The following MTMR7 variants were observed in gnomAD, a reference collection of about 807,000 sequenced individuals.
MTMR7 encodes myotubularin related protein 7.
MTMR7 carries 76 observed loss-of-function variants against 81.2 expected under a neutral mutation model. The ratio of observed to expected loss-of-function variants is 0.94; its 90% CI spans 0.78 to 1.13. MTMR7 has a LOEUF of 1.13. MTMR7 is among the 50% of genes most tolerant of loss of function. The pLI is 0.00. For missense variants in MTMR7, 1,044 were observed against 820.0 expected, an observed-to-expected ratio of 1.27 and a Z score of -3.34; for synonymous variants, 372 against 289.8, an observed-to-expected ratio of 1.28 and a Z score of -2.88.
At chr8:17,333,367 T>C (rs1328294029) in intron 6 of MTMR7, among the ~76,000 whole-genome samples, 1 of 152,194 alleles carries the variant, frequency 6.6e-6, no homozygotes, top group Non-Finnish European at 1.5e-5. Flanking sequence ...TAATAAAATA[T>C]CACTGCTTTG....
chr8:17,304,071 G>C (rs1817298041), intron 12 of MTMR7, among the ~76,000 whole-genome samples: 1 of 152,068 alleles, frequency 6.6e-6, no homozygotes, highest in Admixed American at 6.6e-5. Flanking sequence ...TTCCACATTT[G>C]ACTTAAGGCA....
chr8:17,331,447 C>T (rs1248211104), intron 6 of MTMR7, among the ~76,000 whole-genome samples, 165 bp from the exon 7 acceptor site: 1 of 152,236 alleles, frequency 6.6e-6, no homozygotes, highest in Non-Finnish European at 1.5e-5. Context: ...TACATAGCTT[C>T]AGGGACTCCT....
chr8:17,324,014 A>T (rs1240796965), intron 7 of MTMR7, among the ~76,000 whole-genome samples: 1 of 152,200 alleles, frequency 6.6e-6, no homozygotes, highest in Admixed American at 6.5e-5. Context: ...CTCTCATTAA[A>T]TAACCTTCTT....
rs573059633 is a variant in MTMR7, at chr8:17,381,412, A to G, written c.25-8172T>C. Among the ~76,000 whole-genome samples the G allele has an allele frequency of 7.2e-5, 11 of 152,062 alleles. No individual in the cohort carries two copies. The South Asian group carries it at 2.1e-3, about 29-fold the overall frequency. On this transcript the variant is annotated intron_variant, in intron 1 of 13. Coordinates refer to ENST00000180173, the MANE Select transcript of MTMR7 (RefSeq NM_004686.5). ...CAGAGCCTTTCTTCAGTGATCCTCTATTGTGCCACCTTCGAATTTCAATCT... is the reference window on the plus strand; with the variant it reads ...CAGAGCCTTTCTTCAGTGATCCTCTGTTGTGCCACCTTCGAATTTCAATCT...
Position 17,313,288 on chromosome 8 carries a change from A to G in MTMR7, c.975+4T>C. On this transcript the variant is annotated splice_donor_region_variant and intron_variant, in intron 8 of 13. Coordinates refer to ENST00000180173, the MANE Select transcript of MTMR7 (RefSeq NM_004686.5). Reference sequence around the variant, plus strand: ...CTTAATTTATTTTCTCTGCAATTGCATACCTTTGCAATGAAGATTCCTGCA... The same window carrying G: ...CTTAATTTATTTTCTCTGCAATTGCGTACCTTTGCAATGAAGATTCCTGCA... 1 of 1,602,936 alleles carries G rather than the reference A, an allele frequency of 6.2e-7. No individual in the cohort carries two copies. Among genetic ancestry groups the G allele is most frequent in the Non-Finnish European group, 8.5e-7 (1 of 1,170,998 alleles).
rs1029814845 is a variant in MTMR7 at position 17,361,121 on chromosome 8, T to C, written c.464A>G (p.Tyr155Cys). 1.2e-6 allele frequency: 2 copies of C among 1,614,146 alleles called. No individual in the cohort carries two copies. The highest frequency in any genetic ancestry group is 1.7e-6 in the Non-Finnish European group (2 of 1,180,018). ...GTTTGGGTTTCACGCACTCACTCTGTAGTCTCTATTCACATCGCTGAGCTG... is the reference window on the plus strand; with the variant it reads ...GTTTGGGTTTCACGCACTCACTCTGCAGTCTCTATTCACATCGCTGAGCTG... ...YWQLSDVNRD[Y>C]RVCDSYPTEL... Residue 155 changes from tyrosine to cysteine, a missense_variant, in exon 4 of 14, where the codon TAC (tyrosine) becomes TGC (cysteine). Physicochemically the swap from Tyr to Cys is radical, Grantham distance 194. Transcript: ENST00000180173.
chr8:17,364,517 A>G (rs1383547387), intron 3 of MTMR7, among the ~76,000 whole-genome samples: 1 of 152,190 alleles, frequency 6.6e-6, no homozygotes, highest in African/African-American at 2.4e-5. Context: ...CAGATTTCAA[A>G]ATAATGAGAC....
At chr8:17,384,530 A>C (rs1204778008) in intron 1 of MTMR7, among the ~76,000 whole-genome samples, 1 of 152,212 alleles carries the variant, frequency 6.6e-6, no homozygotes, top group Non-Finnish European at 1.5e-5. Flanking sequence ...AACTCACAGA[A>C]ACAATAGAGT....
At chr8:17,347,511 C>T (rs1372144968) in intron 5 of MTMR7, among the ~76,000 whole-genome samples, 3 of 152,206 alleles carry the variant, frequency 2.0e-5, no homozygotes, top group African/African-American at 7.2e-5. Flanking sequence ...GCTGTAGGTG[C>T]AGGCATGTGG....
rs1210396291 is a variant in MTMR7, at chr8:17,353,774, G to C, written c.469-4693C>G. On this transcript the variant is annotated intron_variant, in intron 4 of 13. Coordinates refer to ENST00000180173, the MANE Select transcript of MTMR7 (RefSeq NM_004686.5). ...TTTGCCATTTTTTAAAATGAATAAG[G>C]AAACCGATTTTCTTTGTGCTCCACT... is the stretch of plus-strand genomic sequence containing the variant. Among the ~76,000 whole-genome samples the C allele has an allele frequency of 2.0e-5, 3 of 152,268 alleles. No homozygotes were observed. The South Asian group carries it at 6.2e-4, about 32-fold the overall frequency.
chr8:17,359,395 C>G (rs914047224), intron 4 of MTMR7, among the ~76,000 whole-genome samples: 4 of 151,732 alleles, frequency 2.6e-5, no homozygotes, highest in Non-Finnish European at 5.9e-5. Context: ...CCCAGGAATT[C>G]GAGACCAGCC....
In MTMR7 at chr8:17,305,779, G is replaced by A; in HGVS notation, c.1330C>T (p.Gln444Ter). 1 of 1,612,412 alleles carries A rather than the reference G, an allele frequency of 6.2e-7. No individual in the cohort carries two copies. The highest frequency in any genetic ancestry group is 8.5e-7 in the Non-Finnish European group (1 of 1,178,718). Reference protein sequence around the residue: ...CQFGNFLCNSQKERRELKIQE... With the variant: ...CQFGNFLCNS ...TACTTGAGTTCTCGTCTCTCCTTTT[G>A]GCTGTTACATAGGAAGTTTCCAAAC... The change falls in exon 11 of 14, where the codon CAA (glutamine) becomes TAA (stop). Residue 444 changes from glutamine to a stop codon, truncating the protein, a stop_gained. Transcript: ENST00000180173. LOFTEE classifies it high-confidence loss of function.
intron 1 of MTMR7, among the ~76,000 whole-genome samples, chr8:17,402,263 G>C (rs1323473583): frequency 1.3e-5 from 2 of 151,934 alleles, no homozygotes; most frequent in African/African-American, 4.8e-5. Flanking sequence ...TACTCTTTTA[G>C]TTACTTTAAA....
intron 1 of MTMR7, among the ~76,000 whole-genome samples, chr8:17,389,672 T>G (rs2150576907): frequency 6.6e-6 from 1 of 152,320 alleles, no homozygotes. Context: ...AATGCTTTAT[T>G]ATTGAATTTG....
At chr8:17,311,874 A>C in intron 8 of MTMR7, 2 of 546,210 alleles carry the variant, frequency 3.7e-6, no homozygotes, top group East Asian at 3.2e-5. Context: ...CACCTCCAAT[A>C]AGCGCATGTA....
chr8:17,341,560 A>T, intron 5 of MTMR7, 63 bp from the exon 6 acceptor site: 1 of 1,568,632 alleles, frequency 6.4e-7, no homozygotes, highest in Non-Finnish European at 8.7e-7. Flanking sequence ...GAGACACTCT[A>T]CGTGTGTCTC....
At chr8:17,357,386 A>G (rs1346633687) in intron 4 of MTMR7, among the ~76,000 whole-genome samples, 1 of 152,240 alleles carries the variant, frequency 6.6e-6, no homozygotes, top group African/African-American at 2.4e-5. Context: ...TACCATGTTG[A>G]GTGAAAAGTC....
At chr8:17,346,499 T>C (rs985953130) in intron 5 of MTMR7, among the ~76,000 whole-genome samples, 5 of 152,054 alleles carry the variant, frequency 3.3e-5, no homozygotes, top group African/African-American at 1.2e-4. Context: ...AAATAGCACT[T>C]GGGGGAGCAG....
At chr8:17,380,888 C>T (rs1199914424) in intron 1 of MTMR7, among the ~76,000 whole-genome samples, 2 of 152,068 alleles carry the variant, frequency 1.3e-5, no homozygotes, top group East Asian at 3.9e-4. Flanking sequence ...TATTCACAAA[C>T]CACTATCACA....
Sources: allele counts gnomAD v4.1 joint callset (sites outside exome capture counted in the v4.1 genomes callset), GRCh38; gene constraint gnomAD v4.1.1; transcripts MANE v1.5; gene names NCBI Gene and HGNC (gene_info 2026-07-23, HGNC 2026-07-21).